ATP9B: variants seen among roughly 807,000 people sequenced by gnomAD.
The protein encoded by ATP9B is ATPase phospholipid transporting 9B.
In ATP9B, 110 loss-of-function variants were observed where a neutral mutation model predicts 146.1. That is an observed-to-expected ratio of 0.75 (90% CI 0.65 to 0.88). The LOEUF (loss-of-function observed/expected upper bound fraction) is 0.88. ATP9B is among the 40% of genes least tolerant of loss of function. The probability of loss-of-function intolerance (pLI) is 0.00; values close to 1 mark genes in which losing one functional copy is unlikely to be tolerated. For synonymous variants in ATP9B, 604 were observed against 569.7 expected (o/e 1.06, Z -0.86); for missense variants, 1,499 against 1,496.4 (o/e 1.00, Z -0.03).
At chr18:79,160,462 A>G (rs2094861118) in intron 7 of ATP9B, among the ~76,000 whole-genome samples, 1 of 152,260 alleles carries the variant, frequency 6.6e-6, no homozygotes, top group Admixed American at 6.5e-5. Flanking sequence ...AGTGTAATGA[A>G]TAACAAAATG....
intron 19 of ATP9B, 43 bp from the exon 20 acceptor site, chr18:79,342,225 G>A (rs768544120): frequency 6.8e-7 from 1 of 1,460,634 alleles, no homozygotes; most frequent in South Asian, 1.1e-5. Flanking sequence ...AAATGAACGT[G>A]TCCTTGTCTT....
rs376240819 is a variant in ATP9B at position 79,069,406 on chromosome 18, G to A, written c.-5G>A. 13 of 1,490,648 alleles carry A rather than the reference G, an allele frequency of 8.7e-6. No individual in the cohort carries two copies. Among genetic ancestry groups the A allele is most frequent in the Middle Eastern group, 2.1e-4 (1 of 4,682 alleles). The allele number at this position is 1,490,648 out of a possible 1,614,324, so 92.3% of individuals were successfully genotyped here. A position where few individuals can be genotyped will look rare whatever the true frequency, so the allele number is the denominator to read the frequency against. Reference sequence around the variant, plus strand: ...TGGGAGGGGCGGGAAAGGGGCGGTCGGAACATGGCGGACCAGATCCCGCTT... The same window carrying A: ...TGGGAGGGGCGGGAAAGGGGCGGTCAGAACATGGCGGACCAGATCCCGCTT... On this transcript the variant is annotated 5_prime_UTR_variant, in exon 1 of 30. Coordinates refer to ENST00000426216, the MANE Select transcript of ATP9B (RefSeq NM_198531.5).
intron 11 of ATP9B, among the ~76,000 whole-genome samples, chr18:79,248,139 C>T (rs749102435): frequency 2.0e-5 from 3 of 152,128 alleles, no homozygotes; most frequent in Non-Finnish European, 2.9e-5. Context: ...CTATAGTGTG[C>T]GGTCAGCCTG....
chr18:79,335,269 G>T (rs2096817663), intron 17 of ATP9B, among the ~76,000 whole-genome samples: 1 of 152,172 alleles, frequency 6.6e-6, no homozygotes, highest in African/African-American at 2.4e-5. Context: ...GGACATCAGG[G>T]TCTACTTTTG....
intron 11 of ATP9B, among the ~76,000 whole-genome samples, chr18:79,226,817 G>T (rs556371446): frequency 1.3e-5 from 2 of 152,194 alleles, no homozygotes; most frequent in South Asian, 2.1e-4. Context: ...CTCTGGTAGC[G>T]TAGAGACTGT....
intron 13 of ATP9B, among the ~76,000 whole-genome samples, chr18:79,302,184 CTG>C (rs2096594914): frequency 6.6e-6 from 1 of 152,148 alleles, no homozygotes; most frequent in Non-Finnish European, 1.5e-5. Flanking sequence ...CAATGAATGG[CTG>C]TGTCATTGTT....
At position 79,072,555 on chromosome 18, in the gene ATP9B, A is replaced by G. The variant is rs1373077441; in HGVS notation, c.119+3026A>G. Among the ~76,000 whole-genome samples the G allele has an allele frequency of 2.1e-5, 3 of 144,652 alleles. 1 individual carries two copies. Among genetic ancestry groups the G allele is most frequent in the South Asian group, 4.6e-4 (2 of 4,384 alleles). The allele number at this position is 144,652 out of a possible 152,430, so 94.9% of individuals were successfully genotyped here. A position where few individuals can be genotyped will look rare whatever the true frequency, so the allele number is the denominator to read the frequency against. On this transcript the variant is annotated intron_variant, in intron 1 of 29. Coordinates refer to ENST00000426216, the MANE Select transcript of ATP9B (RefSeq NM_198531.5). ...GAGTCTCCTATGTCTACTTCTTTCT[A>G]CACAGACACAGTAACAATCTGATCT...
intron 17 of ATP9B, among the ~76,000 whole-genome samples, 160 bp downstream of exon 17, chr18:79,330,264 A>G (rs1430849779): frequency 6.6e-5 from 10 of 152,178 alleles, no homozygotes; most frequent in Non-Finnish European, 1.2e-4. Flanking sequence ...TCATTGGATG[A>G]ATTGAGCTGT....
intron 6 of ATP9B, among the ~76,000 whole-genome samples, chr18:79,148,600 T>C (rs1011566757): frequency 4.6e-5 from 7 of 152,210 alleles, no homozygotes; most frequent in African/African-American, 1.7e-4. Flanking sequence ...CAATATCTTG[T>C]TTAAAAAGAA....
chr18:79,150,827 TAGCC>T (rs1411458349), intron 6 of ATP9B, among the ~76,000 whole-genome samples: 1 of 152,082 alleles, frequency 6.6e-6, no homozygotes, highest in African/African-American at 2.4e-5. Context: ...TTTAAAGAAT[TAGCC>T]AGGCACAGTG....
intron 5 of ATP9B, among the ~76,000 whole-genome samples, chr18:79,140,307 AAAT>A (rs2094497874): frequency 6.6e-6 from 1 of 152,208 alleles, no homozygotes; most frequent in African/African-American, 2.4e-5. Context: ...ATTATCTTCT[AAAT>A]AATTATCATC....
chr18:79,327,620 C>CGTGCCCTCCG (rs2096760162), intron 15 of ATP9B, among the ~76,000 whole-genome samples: 1 of 34,804 alleles, frequency 2.9e-5, no homozygotes, highest in African/African-American at 1.4e-4. Flanking sequence ...CGTGCCCTCC[C>CGTGCCCTCCG]TGGTTAGTGT....
intron 9 of ATP9B, among the ~76,000 whole-genome samples, chr18:79,197,102 A>G (rs1315791396): frequency 1.3e-5 from 2 of 152,256 alleles, no homozygotes; most frequent in African/African-American, 4.8e-5. Context: ...TTTTATTTCT[A>G]TAACATAGAA....
intron 14 of ATP9B, among the ~76,000 whole-genome samples, chr18:79,306,258 G>A (rs2096619837): frequency 6.6e-6 from 1 of 152,184 alleles, no homozygotes; most frequent in Admixed American, 6.5e-5. Context: ...GGGGTTGGGG[G>A]GAGTGTCCTC....
chr18:79,312,267 C>G (rs1810181), intron 15 of ATP9B, among the ~76,000 whole-genome samples: 67,513 of 152,048 alleles, frequency 0.44, 15,209 homozygotes, highest in Middle Eastern at 0.55. Context: ...CTGGCATAAA[C>G]GGATCATTTA....
At chr18:79,351,429 A>G (rs974486609) in intron 25 of ATP9B, among the ~76,000 whole-genome samples, 4 of 152,196 alleles carry the variant, frequency 2.6e-5, no homozygotes, top group Non-Finnish European at 4.4e-5. Flanking sequence ...CATACTCTGA[A>G]TTGGGTTAGG....
At chr18:79,184,472 C>G (rs911849900) in intron 8 of ATP9B, among the ~76,000 whole-genome samples, 1 of 152,122 alleles carries the variant, frequency 6.6e-6, no homozygotes, top group Non-Finnish European at 1.5e-5. Flanking sequence ...CATCCTCGCT[C>G]TGCTTCCCAG....
At chr18:79,227,506 AGATGGATGGGTGGTGGATGGGTG>A (rs2095748281) in intron 11 of ATP9B, among the ~76,000 whole-genome samples, 1 of 151,992 alleles carries the variant, frequency 6.6e-6, no homozygotes, top group African/African-American at 2.4e-5. Flanking sequence ...GTGGATGGGT[AGATGGATGGGTGGTGGATGGGTG>A]GATGGATGAT....
chr18:79,105,701 T>C (rs943569777), intron 2 of ATP9B, among the ~76,000 whole-genome samples: 9 of 152,216 alleles, frequency 5.9e-5, no homozygotes, highest in Non-Finnish European at 1.0e-4. Flanking sequence ...TCACTTGTTA[T>C]CAAAAATCAC....
Sources: gnomAD v4.1 joint callset for allele counts (sites outside exome capture counted in the v4.1 genomes callset) on GRCh38, gnomAD v4.1.1 for gene constraint, MANE v1.5 for transcripts, NCBI Gene and HGNC (gene_info 2026-07-23, HGNC 2026-07-21) for gene names.